Variants in OPA1 observed in about 807,000 individuals in gnomAD.
OPA1 encodes dynamin-like GTPase OPA1, mitochondrial.
Under a neutral mutation model 152.9 loss-of-function variants are expected in OPA1, and 59 were observed. The observed-to-expected ratio is 0.39, with a 90% CI of 0.31 to 0.48. The LOEUF is 0.48. Ranked by LOEUF, OPA1 falls within the 20% of genes least tolerant of loss-of-function variation. The pLI is 0.96. For synonymous variants in OPA1, 400 were observed against 389.9 expected, an observed-to-expected ratio of 1.03 and a Z score of -0.31; for missense variants, 1,008 against 1,216.8, an observed-to-expected ratio of 0.83 and a Z score of 2.55.
At chr3:193,633,101 ACTATAT>A (rs67579330) in intron 8 of OPA1, among the ~76,000 whole-genome samples, 64,858 of 151,456 alleles carry the variant, frequency 0.43, 14,076 homozygotes, top group Non-Finnish European at 0.43. Context: ...TCTGAGTGGC[ACTATAT>A]CTATGTTTTT....
intron 16 of OPA1, 45 bp downstream of exon 16, chr3:193,644,150 C>A: frequency 6.2e-7 from 1 of 1,606,576 alleles, no homozygotes; most frequent in African/African-American, 1.3e-5. Flanking sequence ...TTTGTAAAAG[C>A]TCCAGCTGTG....
intron 21 of OPA1, among the ~76,000 whole-genome samples, chr3:193,653,784 G>T (rs1266329707): frequency 1.3e-5 from 2 of 152,092 alleles, no homozygotes; most frequent in Non-Finnish European, 2.9e-5. Flanking sequence ...TTAATACTAG[G>T]CAGATAAGTG....
At chr3:193,657,501 T>C in intron 23 of OPA1, among the ~76,000 whole-genome samples, 1 of 152,236 alleles carries the variant, frequency 6.6e-6, no homozygotes, top group East Asian at 1.9e-4. Flanking sequence ...CAAATTGTCA[T>C]CTGTTAGCCA....
At chr3:193,637,928 A>C (rs750510833) in intron 10 of OPA1, 24 bp from the exon 11 acceptor site, 1 of 1,555,068 alleles carries the variant, frequency 6.4e-7, no homozygotes, top group South Asian at 1.1e-5. Flanking sequence ...AAATATGAAT[A>C]AGTGTTCTTT....
intron 29 of OPA1, chr3:193,668,514 C>G: frequency 6.5e-7 from 1 of 1,549,778 alleles, no homozygotes; most frequent in Non-Finnish European, 8.7e-7. Context: ...TTCCCACCCG[C>G]TAGCCTCTGC....
At chr3:193,653,780 C>T (rs1032417076) in intron 21 of OPA1, among the ~76,000 whole-genome samples, 4 of 152,114 alleles carry the variant, frequency 2.6e-5, no homozygotes, top group Non-Finnish European at 4.4e-5. Context: ...TATGTTAATA[C>T]TAGGCAGATA....
At position 193,666,329 on chromosome 3, in the gene OPA1, A is replaced by G. The variant is rs149866497; in HGVS notation, c.2812A>G (p.Ile938Val). Residue 938 changes from isoleucine (I) to valine (V), a missense_variant, in exon 28 of 31, where the codon ATA (isoleucine) becomes GTA (valine). Coordinates refer to ENST00000361510, the MANE Select transcript of OPA1 (RefSeq NM_130837.3). ...ECNDVVLFWR[I>V]QRMLAITANT... Reference sequence around the variant, plus strand: ...CAATGATGTGGTCTTGTTTTGGCGTATACAGCGCATGCTTGCTATCACCGC... The same window carrying G: ...CAATGATGTGGTCTTGTTTTGGCGTGTACAGCGCATGCTTGCTATCACCGC... 4 of 1,614,084 alleles carry G rather than the reference A, an allele frequency of 2.5e-6. No homozygotes were observed. The African/African-American group carries it at 4.0e-5, about 16-fold the overall frequency.
intron 29 of OPA1, among the ~76,000 whole-genome samples, chr3:193,691,091 C>T (rs932621432): frequency 2.6e-5 from 4 of 152,146 alleles, no homozygotes; most frequent in African/African-American, 9.7e-5. Flanking sequence ...CGTGGTGGCA[C>T]GTGCCTGTGG....
At chr3:193,660,522 C>G (rs1715015156) in intron 25 of OPA1, among the ~76,000 whole-genome samples, 1 of 152,082 alleles carries the variant, frequency 6.6e-6, no homozygotes, top group East Asian at 1.9e-4. Context: ...TGAGATGTCC[C>G]TATTTCTTTA....
chr3:193,666,214 G>A (rs988502564), intron 27 of OPA1, 82 bp from the exon 28 acceptor site: 2 of 1,141,536 alleles, frequency 1.8e-6, no homozygotes, highest in Admixed American at 1.7e-5. Context: ...CATATCTACT[G>A]GTTCTAGTAG....
chr3:193,666,766 G>A (rs937750407), intron 28 of OPA1, among the ~76,000 whole-genome samples: 1 of 151,910 alleles, frequency 6.6e-6, no homozygotes, highest in Non-Finnish European at 1.5e-5. Context: ...CTCTAGCCTA[G>A]GTGACAGAGT....
chr3:193,686,484 C>G (rs1315310946), intron 29 of OPA1, among the ~76,000 whole-genome samples: 1 of 152,154 alleles, frequency 6.6e-6, no homozygotes, highest in Non-Finnish European at 1.5e-5. Context: ...TAATCATATT[C>G]CTTCATCTAT....
chr3:193,653,792 G>A (rs1018651717), intron 21 of OPA1, among the ~76,000 whole-genome samples: 3 of 152,172 alleles, frequency 2.0e-5, no homozygotes, highest in Non-Finnish European at 4.4e-5. Flanking sequence ...AGGCAGATAA[G>A]TGTGCATGAA....
intron 22 of OPA1, among the ~76,000 whole-genome samples, chr3:193,656,603 G>C (rs1713879861): frequency 6.6e-6 from 1 of 152,158 alleles, no homozygotes; most frequent in Non-Finnish European, 1.5e-5. Context: ...ACCTTTTGCA[G>C]TGTGAAAGAA....
intron 29 of OPA1, among the ~76,000 whole-genome samples, chr3:193,677,898 G>C (rs139478487): frequency 2.0e-5 from 3 of 152,310 alleles, no homozygotes; most frequent in African/African-American, 7.2e-5. Context: ...CTGCATGGTC[G>C]TTGCTCATCG....
chr3:193,678,947 G>T (rs977138765), intron 29 of OPA1, among the ~76,000 whole-genome samples: 3 of 150,772 alleles, frequency 2.0e-5, no homozygotes, highest in Admixed American at 6.6e-5. Context: ...TACTGAAGTT[G>T]TTTTTTTTTC....
At chr3:193,682,306 G>A (rs886137366) in intron 29 of OPA1, among the ~76,000 whole-genome samples, 3 of 152,192 alleles carry the variant, frequency 2.0e-5, no homozygotes, top group Non-Finnish European at 4.4e-5. Flanking sequence ...AGCTAGCAAA[G>A]TTTGGTTCAT....
At chr3:193,690,190 AT>A (rs11398485) in intron 29 of OPA1, among the ~76,000 whole-genome samples, 18,320 of 149,522 alleles carry the variant, frequency 0.12, 1,561 homozygotes, top group East Asian at 0.31. Context: ...ATGGGTTAGG[AT>A]TTTTTTTTTT....
At chr3:193,637,715 G>A (rs1183447918) in intron 10 of OPA1, among the ~76,000 whole-genome samples, 1 of 152,108 alleles carries the variant, frequency 6.6e-6, no homozygotes, top group African/African-American at 2.4e-5. Flanking sequence ...GTTTAAATTA[G>A]CACAAGTTTT....
Sources: gnomAD v4.1 joint callset for allele counts (sites outside exome capture counted in the v4.1 genomes callset) on GRCh38, gnomAD v4.1.1 for gene constraint, MANE v1.5 for transcripts, NCBI Gene and HGNC (gene_info 2026-07-23, HGNC 2026-07-21) for gene names.